The following COL6A6 variants were observed in gnomAD, a reference collection of about 807,000 sequenced individuals.
COL6A6 encodes collagen type VI alpha 6 chain, also known as collagen alpha-6(VI) chain.
A neutral mutation model predicts 208.6 loss-of-function variants in COL6A6; 183 were observed. The observed-to-expected ratio is 0.88, with a 90% CI of 0.78 to 0.99. The LOEUF (loss-of-function observed/expected upper bound fraction) is 0.99, where lower values mean the gene tolerates loss of function less well. Among genes scored for constraint, COL6A6 ranks in the 50% least tolerant of loss-of-function variants. COL6A6 has a pLI of 0.00. For missense variants in COL6A6, 2,816 were observed against 2,815.2 expected (o/e 1.00, Z -0.01); for synonymous variants, 973 against 1,011.8 (o/e 0.96, Z 0.73).
intron 19 of COL6A6, 37 bp from the exon 20 acceptor site, chr3:130,599,720 A>G: frequency 6.2e-7 from 1 of 1,610,922 alleles, no homozygotes; most frequent in African/African-American, 1.3e-5. Context: ...TCAATGCTGC[A>G]TAATTACCGT....
chr3:130,621,718 C>T (rs2064722002), intron 23 of COL6A6, 103 bp from the exon 24 acceptor site: 2 of 925,510 alleles, frequency 2.2e-6, no homozygotes, highest in Non-Finnish European at 3.4e-6. Flanking sequence ...ACAGCCATAA[C>T]TCTTCTCTCG....
chr3:130,626,788 CA>C (rs1200773783), intron 25 of COL6A6, among the ~76,000 whole-genome samples: 3 of 152,136 alleles, frequency 2.0e-5, no homozygotes, highest in Admixed American at 1.3e-4. Context: ...GTAAAATGAA[CA>C]AAACTTGTCT....
intron 33 of COL6A6, among the ~76,000 whole-genome samples, chr3:130,651,330 G>T (rs1377188283): frequency 6.6e-6 from 1 of 150,652 alleles, no homozygotes; most frequent in African/African-American, 2.4e-5. Flanking sequence ...GGAGGCTGAG[G>T]CAGGAGAATC....
intron 1 of COL6A6, among the ~76,000 whole-genome samples, chr3:130,543,308 A>C (rs1027630919): frequency 1.3e-5 from 2 of 152,178 alleles, no homozygotes; most frequent in Non-Finnish European, 2.9e-5. Flanking sequence ...ACTGTCTTTT[A>C]ATTGGGGCAT....
chr3:130,562,991 C>T (rs542770828), intron 2 of COL6A6, 77 bp from the exon 3 acceptor site: 24 of 1,033,506 alleles, frequency 2.3e-5, no homozygotes, highest in Middle Eastern at 2.1e-4. Context: ...AGTACTTCCC[C>T]GCCATAGAGT....
chr3:130,574,211 A>G lies in COL6A6; in HGVS notation c.3233A>G (p.His1078Arg). Residue 1078 changes from histidine to arginine, a missense_variant, in exon 8 of 37, where the codon CAC becomes CGC. By Grantham distance (29) the His-to-Arg change is conservative. Transcript: ENST00000358511. The part of the protein sequence containing the change: ...ENIKQIFGNT[H>R]IGAALREVEH... ...ATCAAGCAGATCTTTGGAAACACAC[A>G]CATCGGTGCTGCACTCAGGGAGGTG... is the stretch of plus-strand genomic sequence containing the variant. The G allele has an allele frequency of 6.2e-7, 1 of 1,614,028 alleles. No homozygotes were observed. Among genetic ancestry groups the G allele is most frequent in the Non-Finnish European group, 8.5e-7 (1 of 1,179,898 alleles).
chr3:130,586,520 A>T lies in COL6A6; in HGVS notation c.3985A>T (p.Ile1329Leu). 1 of 1,613,332 alleles carries T rather than the reference A, an allele frequency of 6.2e-7. No individual in the cohort carries two copies. Among genetic ancestry groups the T allele is most frequent in the Non-Finnish European group, 8.5e-7 (1 of 1,179,658 alleles). ...ELRKEGLNAL[I>L]TVALDGPADS... ...GTGTTGGATAGGCCTGAATGCCCTCATAACTGTTGCTCTGGATGGACCTGC... is the reference window on the plus strand; with the variant it reads ...GTGTTGGATAGGCCTGAATGCCCTCTTAACTGTTGCTCTGGATGGACCTGC... Residue 1329 changes from isoleucine to leucine, a missense_variant, in exon 11 of 37, where the codon ATA (isoleucine) becomes TTA (leucine). By Grantham distance (5) the Ile-to-Leu change is conservative. Transcript: ENST00000358511.
chr3:130,560,348 A>AT lies in COL6A6; in HGVS notation c.-12dup, dbSNP rs776071492. On this transcript the variant is annotated 5_prime_UTR_variant, in exon 2 of 37. It introduces an in-frame stop codon into an upstream open reading frame of the 5' UTR. Coordinates refer to ENST00000358511, the MANE Select transcript of COL6A6 (RefSeq NM_001102608.3). ...TGCCTTTTCAGATTTGAAGTTGAAG[A>AT]TTTTTCAGGTCATAATATGATGTTG... The AT allele has an allele frequency of 1.3e-6, 2 of 1,599,444 alleles. No individual in the cohort carries two copies. The highest frequency in any genetic ancestry group is 2.2e-5 in the East Asian group (1 of 44,590).
chr3:130,539,769 A>G (rs985396073), intron 1 of COL6A6, among the ~76,000 whole-genome samples: 5 of 152,234 alleles, frequency 3.3e-5, no homozygotes. Flanking sequence ...ACACTAATAC[A>G]AAACTTATTA....
chr3:130,571,436 G>A (rs1295050310), intron 7 of COL6A6, 43 bp downstream of exon 7: 1 of 1,409,248 alleles, frequency 7.1e-7, no homozygotes, highest in Non-Finnish European at 9.6e-7. Flanking sequence ...TTAGCAGAGG[G>A]ACAAATGAGA....
At chr3:130,539,925 C>CA (rs1310320831) in intron 1 of COL6A6, among the ~76,000 whole-genome samples, 3 of 152,226 alleles carry the variant, frequency 2.0e-5, no homozygotes, top group Non-Finnish European at 2.9e-5. Flanking sequence ...TAAAAATATA[C>CA]ATTTATTGGA....
At chr3:130,526,449 A>G (rs971160975) in intron 1 of COL6A6, among the ~76,000 whole-genome samples, 1 of 152,158 alleles carries the variant, frequency 6.6e-6, no homozygotes, top group African/African-American at 2.4e-5. Flanking sequence ...ATTGGAATTT[A>G]GCCTAAGTGT....
chr3:130,567,098 TGA>T lies in COL6A6; in HGVS notation c.1684_1685del (p.Glu562ArgfsTer33). 6.2e-7 allele frequency: 1 copy of T among 1,613,960 alleles called. No individual in the cohort carries two copies. The highest frequency in any genetic ancestry group is 8.5e-7 in the Non-Finnish European group (1 of 1,179,868). ...AGCATCTTGGAGCCTGCAAACAGAC[TGA>T]GAGAAGAGCACATCCGAGTTTATGC... is the stretch of plus-strand genomic sequence containing the variant. On this transcript the variant is annotated frameshift_variant, in exon 5 of 37. Transcript: ENST00000358511. LOFTEE classifies it high-confidence loss of function.
intron 1 of COL6A6, among the ~76,000 whole-genome samples, chr3:130,519,160 G>C (rs1710922118): frequency 6.6e-6 from 1 of 152,082 alleles, no homozygotes. Context: ...ACAGTATCAA[G>C]AGCATCTAAT....
At chr3:130,648,427 C>T (rs1334367508) in intron 32 of COL6A6, among the ~76,000 whole-genome samples, 2 of 152,204 alleles carry the variant, frequency 1.3e-5, no homozygotes, top group Non-Finnish European at 2.9e-5. Context: ...ATGCTCACCT[C>T]AGGCCTATGT....
chr3:130,570,140 G>A (rs114811952), intron 6 of COL6A6, among the ~76,000 whole-genome samples: 2,987 of 152,276 alleles, frequency 0.02, 111 homozygotes, highest in African/African-American at 0.069. Context: ...AGAATTAATT[G>A]GGTCTTTCCT....
intron 33 of COL6A6, among the ~76,000 whole-genome samples, chr3:130,652,207 A>G (rs1166220969): frequency 6.6e-6 from 1 of 152,266 alleles, no homozygotes; most frequent in Non-Finnish European, 1.5e-5. Context: ...GAAAAAGCTC[A>G]GCGAAGAGCA....
chr3:130,560,545 T>G (rs1387466941), intron 2 of COL6A6, 117 bp downstream of exon 2: 4 of 833,222 alleles, frequency 4.8e-6, no homozygotes, highest in Non-Finnish European at 5.6e-6. Context: ...TTGATGGTAG[T>G]GAGATTAAGG....
At chr3:130,634,390 G>A (rs981111712) in intron 26 of COL6A6, among the ~76,000 whole-genome samples, 200 bp from the exon 27 acceptor site, 1 of 152,088 alleles carries the variant, frequency 6.6e-6, no homozygotes, top group Non-Finnish European at 1.5e-5. Flanking sequence ...ATGATATGTT[G>A]ATGAAACCCT....
Sources: allele counts gnomAD v4.1 joint callset (sites outside exome capture counted in the v4.1 genomes callset), GRCh38; gene constraint gnomAD v4.1.1; transcripts MANE v1.5; gene names NCBI Gene and HGNC (gene_info 2026-07-23, HGNC 2026-07-21).